Variants in SLC9A8 observed in about 807,000 individuals in gnomAD.
The protein encoded by SLC9A8 is sodium/hydrogen exchanger 8.
A neutral mutation model predicts 66.6 loss-of-function variants in SLC9A8; 48 were observed. That is an observed-to-expected ratio of 0.72 (90% CI 0.57 to 0.92). SLC9A8 has a LOEUF of 0.92. Among genes scored for constraint, SLC9A8 ranks in the 40% least tolerant of loss-of-function variants. The probability of loss-of-function intolerance (pLI) is 0.00; values close to 1 mark genes in which losing one functional copy is unlikely to be tolerated. For missense variants in SLC9A8, 599 were observed against 747.3 expected (o/e 0.80, Z 2.31); for synonymous variants, 274 against 282.6 (o/e 0.97, Z 0.31).
rs146649775 is a variant in SLC9A8, at chr20:49,884,030, C to A, written c.1455C>A (p.Asn485Lys). ...AGGACGCCAAGGCACACCGCAGGAA[C>A]AAGAAGGACGTCAACCTCAGCAAGA... is the stretch of plus-strand genomic sequence containing the variant. Reference protein sequence around the residue: ...DIEDAKAHRRNKKDVNLSKTE... With the variant: ...DIEDAKAHRRKKKDVNLSKTE... The change falls in exon 14 of 16, where the codon AAC becomes AAA. Residue 485 changes from asparagine to lysine, a missense_variant. Asn to Lys is a moderately conservative substitution (Grantham distance 94). Coordinates refer to ENST00000361573, the MANE Select transcript of SLC9A8 (RefSeq NM_015266.3). 2.7e-5 allele frequency: 43 copies of A among 1,613,602 alleles called. No individual in the cohort carries two copies. Among genetic ancestry groups the A allele is most frequent in the Non-Finnish European group, 3.5e-5 (41 of 1,180,020 alleles).
chr20:49,886,821 C>CG lies in SLC9A8; in HGVS notation c.1563dup (p.Gln522AlafsTer4). ...GGAGTACGAGGCCCACTACATCAGGCGGCAGGACCTTAAGGGCTTCGTGTG... is the reference window on the plus strand; with the variant it reads ...GGAGTACGAGGCCCACTACATCAGGCGGGCAGGACCTTAAGGGCTTCGTGTG... On this transcript the variant is annotated frameshift_variant, in exon 15 of 16. Coordinates refer to ENST00000361573, the MANE Select transcript of SLC9A8 (RefSeq NM_015266.3). LOFTEE classifies it high-confidence loss of function. The surrounding 1 kb of genome is among the most constrained non-coding windows in gnomAD (Gnocchi z 4.8). 6.2e-7 allele frequency: 1 copy of CG among 1,614,166 alleles called. No individual in the cohort carries two copies. The highest frequency in any genetic ancestry group is 8.5e-7 in the Non-Finnish European group (1 of 1,180,000).
rs1481569191 is a variant in SLC9A8, at chr20:49,890,148, T to G, written c.*2212T>G. The G allele has an allele frequency of 6.6e-6, 1 of 152,190 alleles. No homozygotes were observed. The highest frequency in any genetic ancestry group is 1.5e-5 in the Non-Finnish European group (1 of 68,072). The allele number at this position is 152,190 out of a possible 1,614,324, so 9.4% of individuals were successfully genotyped here. A position where few individuals can be genotyped will look rare whatever the true frequency, so the allele number is the denominator to read the frequency against. On this transcript the variant is annotated 3_prime_UTR_variant, in exon 16 of 16. Transcript: ENST00000361573. ...CACCTGCCTCGATCTCCTCTGAGCC[T>G]CTTCTGCCCCCTGTCGGCCAGGTGA...
At chr20:49,859,208 G>T (rs1245542052) in intron 8 of SLC9A8, among the ~76,000 whole-genome samples, 1 of 152,210 alleles carries the variant, frequency 6.6e-6, no homozygotes, top group South Asian at 2.1e-4. Context: ...GCCACGGCTG[G>T]TCATCTGCCA....
At chr20:49,855,176 T>G (rs1399412768) in intron 7 of SLC9A8, among the ~76,000 whole-genome samples, 1 of 152,196 alleles carries the variant, frequency 6.6e-6, no homozygotes, top group African/African-American at 2.4e-5. Flanking sequence ...AAAGTCTCCC[T>G]TCCATCATTG....
At position 49,871,911 on chromosome 20, in the gene SLC9A8, A is replaced by G. The variant is rs113839916; in HGVS notation, c.959-2794A>G. ...ATGGAGATTTCCTGTAAGGAAAACCAGAAGGAAGACTGGTCCATGTTAGAT... is the reference window on the plus strand; with the variant it reads ...ATGGAGATTTCCTGTAAGGAAAACCGGAAGGAAGACTGGTCCATGTTAGAT... On this transcript the variant is annotated intron_variant, in intron 10 of 15. Coordinates refer to ENST00000361573, the MANE Select transcript of SLC9A8 (RefSeq NM_015266.3). Among the ~76,000 whole-genome samples the G allele has an allele frequency of 8.2e-3, 1,253 of 152,336 alleles. 7 individuals are homozygous for G. The highest frequency in any genetic ancestry group is 0.012 in the Non-Finnish European group (786 of 68,020).
chr20:49,835,810 C>G (rs930027180), intron 3 of SLC9A8, among the ~76,000 whole-genome samples: 1 of 151,202 alleles, frequency 6.6e-6, no homozygotes, highest in Non-Finnish European at 1.5e-5. Flanking sequence ...CTCAGCCTCC[C>G]CAGTAGCTGT....
chr20:49,833,125 C>T (rs780795426), intron 3 of SLC9A8, among the ~76,000 whole-genome samples: 3 of 152,120 alleles, frequency 2.0e-5, no homozygotes, highest in Non-Finnish European at 4.4e-5. Flanking sequence ...AGGCTGGTCT[C>T]GAACTCCTGA....
chr20:49,830,244 G>C (rs1240454237), intron 3 of SLC9A8: 1 of 967,378 alleles, frequency 1.0e-6, no homozygotes, highest in Non-Finnish European at 1.7e-6. Context: ...GGGATTTGGG[G>C]GCCTTGGTCT....
At chr20:49,863,311 GAT>G (rs1230134723) in intron 9 of SLC9A8, among the ~76,000 whole-genome samples, 1 of 152,210 alleles carries the variant, frequency 6.6e-6, no homozygotes, top group Non-Finnish European at 1.5e-5. Flanking sequence ...TATCAGATGT[GAT>G]TTTGGGGACC....
intron 3 of SLC9A8, among the ~76,000 whole-genome samples, chr20:49,826,098 G>A (rs1260003668): frequency 6.6e-6 from 1 of 152,220 alleles, no homozygotes; most frequent in Non-Finnish European, 1.5e-5. Context: ...TGGAAAGGCA[G>A]TCTTGCTTTC....
chr20:49,816,407 G>A (rs2086549995), intron 2 of SLC9A8, among the ~76,000 whole-genome samples: 1 of 151,358 alleles, frequency 6.6e-6, no homozygotes, highest in African/African-American at 2.4e-5. Flanking sequence ...GCGACAGAGT[G>A]AGACACTGTC....
intron 3 of SLC9A8, among the ~76,000 whole-genome samples, chr20:49,834,763 A>G (rs1257059499): frequency 6.6e-6 from 1 of 152,192 alleles, no homozygotes; most frequent in African/African-American, 2.4e-5. Context: ...CTGATTTTCA[A>G]ATGTAACTGC....
At position 49,875,940 on chromosome 20, in the gene SLC9A8, C is replaced by T. The variant is rs1394066143; in HGVS notation, c.1075+1119C>T. ...ATTTTTAGTAGAGACAGGGTTTCAC[C>T]GTGTTAGCCAGGATGGTCTCGATCT... On this transcript the variant is annotated intron_variant, in intron 11 of 15. Transcript: ENST00000361573. Among the ~76,000 whole-genome samples, 8 of 152,152 alleles carry T rather than the reference C, an allele frequency of 5.3e-5. No individual in the cohort carries two copies. The East Asian group carries it at 7.7e-4, about 15-fold the overall frequency.
intron 3 of SLC9A8, among the ~76,000 whole-genome samples, chr20:49,839,051 G>A (rs1394440042): frequency 6.6e-6 from 1 of 152,150 alleles, no homozygotes; most frequent in East Asian, 1.9e-4. Context: ...TTTCTTCCAG[G>A]AATTTCACAG....
At chr20:49,872,616 G>T (rs2089257635) in intron 10 of SLC9A8, among the ~76,000 whole-genome samples, 1 of 152,138 alleles carries the variant, frequency 6.6e-6, no homozygotes, top group Non-Finnish European at 1.5e-5. Flanking sequence ...CTCCAGAGTA[G>T]CTGGGATTAC....
intron 4 of SLC9A8, among the ~76,000 whole-genome samples, chr20:49,841,679 C>T (rs547559450): frequency 1.1e-4 from 17 of 152,266 alleles, no homozygotes; most frequent in African/African-American, 3.9e-4. Context: ...CAACCTCTGC[C>T]TCCCGGGTTC....
intron 3 of SLC9A8, among the ~76,000 whole-genome samples, chr20:49,837,531 A>G (rs1316494368): frequency 2.0e-5 from 3 of 151,976 alleles, no homozygotes; most frequent in African/African-American, 2.4e-5. Context: ...CTTTTCCAAA[A>G]TATCTATTCA....
chr20:49,847,653 C>T (rs1329340307), intron 5 of SLC9A8, among the ~76,000 whole-genome samples: 1 of 151,996 alleles, frequency 6.6e-6, no homozygotes, highest in Non-Finnish European at 1.5e-5. Context: ...ATACAGATTA[C>T]AGTAAGATTA....
At chr20:49,867,554 G>A (rs1351978662) in intron 10 of SLC9A8, among the ~76,000 whole-genome samples, 2 of 152,142 alleles carry the variant, frequency 1.3e-5, no homozygotes, top group Non-Finnish European at 2.9e-5. Context: ...ATCAGTCAAA[G>A]ACTCAAGGGG....
Sources: allele counts gnomAD v4.1 joint callset (sites outside exome capture counted in the v4.1 genomes callset), GRCh38; gene constraint gnomAD v4.1.1; non-coding constraint Gnocchi (gnomAD v3.1); transcripts MANE v1.5; gene names NCBI Gene and HGNC (gene_info 2026-07-23, HGNC 2026-07-21).